The following ANK3 variants were observed in gnomAD, a reference collection of about 807,000 sequenced individuals.
ANK3 encodes the protein ankyrin-3.
ANK3 carries 57 observed loss-of-function variants against 370.9 expected under a neutral mutation model. That is an observed-to-expected ratio of 0.15 (90% CI 0.12 to 0.19). The LOEUF is 0.19. ANK3 is among the 10% of genes least tolerant of loss of function. The pLI, the probability that ANK3 is intolerant of heterozygous loss-of-function variation, is 1.00. For missense variants in ANK3, 4,439 were observed against 5,302.1 expected (o/e 0.84, Z 5.06); for synonymous variants, 1,929 against 1,946.3 (o/e 0.99, Z 0.23).
chr10:60,140,465 A>G (rs1297416471), intron 23 of ANK3: 1 of 1,607,398 alleles, frequency 6.2e-7, no homozygotes, highest in East Asian at 2.2e-5. Context: ...CAAGGAAACC[A>G]ATCCCTGGTT....
intron 43 of ANK3, among the ~76,000 whole-genome samples, chr10:60,037,477 G>GT (rs1178346308): frequency 2.0e-5 from 3 of 152,042 alleles, no homozygotes; most frequent in Admixed American, 6.6e-5. Flanking sequence ...CCCAGTGTCT[G>GT]TTTTTTCCCT....
intron 23 of ANK3, chr10:60,140,726 T>C (rs2132214683): frequency 1.7e-6 from 2 of 1,164,452 alleles, no homozygotes; most frequent in South Asian, 6.0e-5. Context: ...CAGGACAGAA[T>C]GGTGACATAA....
chr10:60,123,929 A>G (rs1371928920), intron 25 of ANK3, among the ~76,000 whole-genome samples: 1 of 152,236 alleles, frequency 6.6e-6, no homozygotes. Flanking sequence ...CACGAAGAAT[A>G]AGATGACTTG....
chr10:60,546,164 T>C lies in ANK3; in HGVS notation c.96+69022A>G, dbSNP rs535328282. Among the ~76,000 whole-genome samples, 8 of 152,230 alleles carry C rather than the reference T, an allele frequency of 5.3e-5. No individual in the cohort carries two copies. In the East Asian group the frequency reaches 9.7e-4, roughly 18 times the overall value. ...AATCCTCCCACTTCAGCCTCCTGAGTAGTTGGGACTACAGGCATGCACCAC... is the reference window on the plus strand; with the variant it reads ...AATCCTCCCACTTCAGCCTCCTGAGCAGTTGGGACTACAGGCATGCACCAC... On this transcript the variant is annotated intron_variant, in intron 2 of 43. Coordinates refer to the ANK3 transcript ENST00000373827.
At chr10:60,240,750 C>T (rs1461121011) in intron 7 of ANK3, among the ~76,000 whole-genome samples, 1 of 152,038 alleles carries the variant, frequency 6.6e-6, no homozygotes, top group Admixed American at 6.6e-5. Context: ...CACCACCATG[C>T]CCAAATAATT....
At chr10:60,364,322 G>C (rs1261747545) in intron 1 of ANK3, among the ~76,000 whole-genome samples, 3 of 151,412 alleles carry the variant, frequency 2.0e-5, no homozygotes, top group Admixed American at 6.6e-5. Flanking sequence ...AATGATTAAG[G>C]CTGCTCAAGT....
In ANK3 at chr10:60,532,833, C is replaced by G. The variant is rs371966256; in HGVS notation, c.96+82353G>C. ...TAATGTTATGGGTGTAGGTGTCAGA[C>G]AGACCTTTGAGCTGAGCAAGTTCTG... On this transcript the variant is annotated intron_variant, in intron 2 of 43. Coordinates refer to the ANK3 transcript ENST00000373827. Among the ~76,000 whole-genome samples, 45 of 152,152 alleles carry G rather than the reference C, an allele frequency of 3.0e-4. No individual in the cohort carries two copies. In the East Asian group the frequency reaches 7.2e-3, roughly 24 times the overall value.
chr10:60,355,975 G>A (rs1189724395), intron 1 of ANK3, among the ~76,000 whole-genome samples: 1 of 152,142 alleles, frequency 6.6e-6, no homozygotes, highest in Non-Finnish European at 1.5e-5. Context: ...AATTTAATGT[G>A]GGCATCGTGG....
intron 1 of ANK3, among the ~76,000 whole-genome samples, chr10:60,632,192 T>C (rs2078493464): frequency 6.6e-6 from 1 of 151,942 alleles, no homozygotes; most frequent in African/African-American, 2.4e-5. Flanking sequence ...AATGTTATGT[T>C]ATCTTGGGGC....
At chr10:60,267,888 CT>C (rs1437696618) in intron 5 of ANK3, among the ~76,000 whole-genome samples, 3 of 152,214 alleles carry the variant, frequency 2.0e-5, no homozygotes, top group African/African-American at 7.2e-5. Context: ...CCAACAGTCT[CT>C]GCCTGTCTCT....
chr10:60,666,402 G>A (rs1258701936), intron 1 of ANK3, among the ~76,000 whole-genome samples: 1 of 152,134 alleles, frequency 6.6e-6, no homozygotes, highest in Non-Finnish European at 1.5e-5. Flanking sequence ...GGAGGGGAGG[G>A]GGAATAGGGA....
intron 42 of ANK3, among the ~76,000 whole-genome samples, chr10:60,053,058 C>T (rs1406527162): frequency 2.0e-5 from 3 of 152,140 alleles, no homozygotes; most frequent in African/African-American, 7.2e-5. Context: ...AAATCATAGC[C>T]ACTATCCTTA....
Position 60,113,330 on chromosome 10 carries a change from G to A in ANK3, c.2948+895C>T, listed in dbSNP as rs746960918. On this transcript the variant is annotated intron_variant, in intron 26 of 43. Transcript: ENST00000280772. ...TCAAATTTATATATTCTTTTAAAAGGAAAATCACACAAATCATTTATCAAA... is the reference window on the plus strand; with the variant it reads ...TCAAATTTATATATTCTTTTAAAAGAAAAATCACACAAATCATTTATCAAA... 1.8e-4 allele frequency among the ~76,000 whole-genome samples: 27 copies of A among 152,154 alleles called. No individual in the cohort carries two copies. The South Asian group carries it at 5.4e-3, about 30-fold the overall frequency.
At chr10:60,402,961 A>G (rs1395715863) in intron 2 of ANK3, among the ~76,000 whole-genome samples, 1 of 152,236 alleles carries the variant, frequency 6.6e-6, no homozygotes, top group African/African-American at 2.4e-5. Flanking sequence ...CAAGTAACTG[A>G]TACCAAAAAA....
At chr10:60,373,642 T>C (rs2060386945) in intron 1 of ANK3, among the ~76,000 whole-genome samples, 1 of 152,128 alleles carries the variant, frequency 6.6e-6, no homozygotes, top group Non-Finnish European at 1.5e-5. Flanking sequence ...AGTGATCTCA[T>C]AGTCACAGAT....
Position 60,186,817 on chromosome 10 carries a change from G to T in ANK3, c.1983C>A (p.Thr661=), listed in dbSNP as rs764242231. 150 of 1,614,042 alleles carry T rather than the reference G, an allele frequency of 9.3e-5. No individual in the cohort carries two copies. The highest frequency in any genetic ancestry group is 1.2e-4 in the Non-Finnish European group (146 of 1,180,028). Residue 661 remains threonine, a synonymous_variant, in exon 17 of 44, where the codon ACC becomes ACA. Coordinates refer to ENST00000280772, the MANE Select transcript of ANK3 (RefSeq NM_020987.5). ...GATGGACGGAAGCAATTCCTTGCCGGGTAACTGCGTTGGCATCAGCACCAT... is the reference window on the plus strand; with the variant it reads ...GATGGACGGAAGCAATTCCTTGCCGTGTAACTGCGTTGGCATCAGCACCAT... ...LEYGADANAV[T]RQGIASVHLA...
intron 6 of ANK3, among the ~76,000 whole-genome samples, chr10:60,262,356 A>G (rs2097820248): frequency 6.6e-6 from 1 of 152,262 alleles, no homozygotes; most frequent in Non-Finnish European, 1.5e-5. Context: ...TATTTGATAT[A>G]GATTCATATT....
rs888918109 is a variant in ANK3 at position 60,070,441 on chromosome 10, T to A, written c.10440A>T (p.Pro3480=). ...TTTCAGATGAAGAACTTTTAGAAGG[T>A]GGCTTGTCCTCATCTGGTCCCACCT... ...EGKVGPDEDK[P]PSKSSSSEKT... Residue 3480 remains proline, a synonymous_variant, in exon 37 of 44, where the codon CCA becomes CCT. Coordinates refer to ENST00000280772, the MANE Select transcript of ANK3 (RefSeq NM_020987.5). The surrounding 1 kb of genome is among the most constrained non-coding windows in gnomAD (Gnocchi z 5.7). 6 of 1,613,974 alleles carry A rather than the reference T, an allele frequency of 3.7e-6. No individual in the cohort carries two copies. The Admixed American group carries it at 1.0e-4, about 27-fold the overall frequency.
intron 1 of ANK3, among the ~76,000 whole-genome samples, chr10:60,364,036 G>A (rs2059045074): frequency 6.8e-6 from 1 of 146,000 alleles, no homozygotes; most frequent in Admixed American, 6.9e-5. Flanking sequence ...GCTCAAGCCT[G>A]TAATCCCAGC....
Sources: allele counts gnomAD v4.1 joint callset (sites outside exome capture counted in the v4.1 genomes callset), GRCh38; gene constraint gnomAD v4.1.1; non-coding constraint Gnocchi (gnomAD v3.1); transcripts MANE v1.5; gene names NCBI Gene and HGNC (gene_info 2026-07-23, HGNC 2026-07-21).